The following EXOC4 variants were observed in gnomAD, a reference collection of about 807,000 sequenced individuals.
EXOC4 encodes the protein SEC8-like 1.
A neutral mutation model predicts 107.2 loss-of-function variants in EXOC4; 71 were observed. That is an observed-to-expected ratio of 0.66 (90% CI 0.55 to 0.81). EXOC4 has a LOEUF of 0.81. Among genes scored for constraint, EXOC4 ranks in the 30% least tolerant of loss-of-function variants. The pLI is 0.00. For missense variants in EXOC4, 1,108 were observed against 1,189.6 expected (o/e 0.93, Z 1.01); for synonymous variants, 456 against 441.2 (o/e 1.03, Z -0.42).
At chr7:133,888,336 T>C (rs1421357683) in intron 11 of EXOC4, among the ~76,000 whole-genome samples, 5 of 152,214 alleles carry the variant, frequency 3.3e-5, no homozygotes, top group African/African-American at 1.2e-4. Flanking sequence ...TGGAAAAGTA[T>C]TTTTTAAGCA....
At chr7:134,040,399 A>C (rs528771366) in intron 17 of EXOC4, among the ~76,000 whole-genome samples, 267 of 152,272 alleles carry the variant, frequency 1.8e-3, no homozygotes, top group African/African-American at 6.2e-3. Context: ...TGCAACCTCC[A>C]TGCCTTTATT....
the EXOC4 span, among the ~76,000 whole-genome samples, chr7:134,098,348 C>T: frequency 1.3e-5 from 2 of 152,174 alleles, no homozygotes; most frequent in Non-Finnish European, 2.9e-5. Context: ...ACAGAGAGTA[C>T]AGCTGTGTTT....
At chr7:133,744,064 G>A (rs899158489) in intron 10 of EXOC4, among the ~76,000 whole-genome samples, 4 of 151,682 alleles carry the variant, frequency 2.6e-5, no homozygotes, top group African/African-American at 4.8e-5. Flanking sequence ...ACCAAATTAT[G>A]TACCAACATC....
intron 10 of EXOC4, among the ~76,000 whole-genome samples, chr7:133,705,150 G>A (rs1410086848): frequency 6.6e-6 from 1 of 152,114 alleles, no homozygotes; most frequent in Non-Finnish European, 1.5e-5. Context: ...GATCACTTGA[G>A]GTCAGGAGTT....
chr7:133,895,643 G>A lies in EXOC4; in HGVS notation c.1779G>A (p.Leu593=). 6.2e-7 allele frequency: 1 copy of A among 1,614,078 alleles called. No homozygotes were observed. The highest frequency in any genetic ancestry group is 1.1e-5 in the South Asian group (1 of 91,074). The change falls in exon 12 of 18, where the codon CTG becomes CTA. Residue 593 remains leucine (L), a synonymous_variant. Transcript: ENST00000253861. ...AGACAGTTCAAGACCTCCTGAACCTGATGCATGACTTGAGTGCATATTCAG... is the reference window on the plus strand; with the variant it reads ...AGACAGTTCAAGACCTCCTGAACCTAATGCATGACTTGAGTGCATATTCAG... ...VEKTVQDLLN[L]MHDLSAYSDQ...
intron 10 of EXOC4, among the ~76,000 whole-genome samples, chr7:133,703,925 A>G (rs1472099973): frequency 3.9e-5 from 6 of 152,204 alleles, no homozygotes; most frequent in Admixed American, 3.3e-4. Flanking sequence ...CTCACTGTAT[A>G]AATCTTTAAA....
chr7:133,883,218 G>A (rs1799002666), intron 11 of EXOC4, among the ~76,000 whole-genome samples: 1 of 152,006 alleles, frequency 6.6e-6, no homozygotes, highest in Admixed American at 6.6e-5. Flanking sequence ...GTTGCATGTA[G>A]CAGTAGCTTG....
At chr7:133,920,788 A>G (rs538725631) in intron 13 of EXOC4, among the ~76,000 whole-genome samples, 4 of 151,868 alleles carry the variant, frequency 2.6e-5, no homozygotes, top group Admixed American at 2.0e-4. Context: ...TCTGATCTGT[A>G]TCATTTTTCT....
intron 14 of EXOC4, among the ~76,000 whole-genome samples, chr7:133,979,680 C>T (rs938523784): frequency 2.6e-5 from 4 of 151,658 alleles, no homozygotes; most frequent in African/African-American, 4.8e-5. Context: ...CCCAGCTACT[C>T]GGGAGGCTGA....
chr7:133,484,547 A>C (rs1799230873), intron 9 of EXOC4, among the ~76,000 whole-genome samples: 1 of 152,130 alleles, frequency 6.6e-6, no homozygotes, highest in Non-Finnish European at 1.5e-5. Flanking sequence ...TTAAAAAAAA[A>C]CAAAAACAAA....
At chr7:133,371,137 G>A (rs1247294123) in intron 6 of EXOC4, among the ~76,000 whole-genome samples, 1 of 152,102 alleles carries the variant, frequency 6.6e-6, no homozygotes, top group African/African-American at 2.4e-5. Flanking sequence ...GAGATGCCAG[G>A]TTTCATTTTT....
intron 17 of EXOC4, among the ~76,000 whole-genome samples, chr7:134,046,813 C>T (rs1341284982): frequency 1.3e-5 from 2 of 152,162 alleles, no homozygotes; most frequent in Non-Finnish European, 1.5e-5. Flanking sequence ...CACCAGCAAG[C>T]TCTCAGCACA....
At chr7:133,573,347 C>T (rs1278126933) in intron 9 of EXOC4, among the ~76,000 whole-genome samples, 2 of 152,146 alleles carry the variant, frequency 1.3e-5, no homozygotes, top group Non-Finnish European at 2.9e-5. Flanking sequence ...GGCACCAGTG[C>T]AGATAAACCA....
intron 2 of EXOC4, among the ~76,000 whole-genome samples, chr7:133,288,067 T>C (rs1409409313): frequency 6.6e-6 from 1 of 152,132 alleles, no homozygotes; most frequent in Non-Finnish European, 1.5e-5. Context: ...TAAAGAAATA[T>C]TAAACTCAAA....
At chr7:133,734,664 T>C (rs1795400528) in intron 10 of EXOC4, among the ~76,000 whole-genome samples, 1 of 152,148 alleles carries the variant, frequency 6.6e-6, no homozygotes, top group South Asian at 2.1e-4. Context: ...TTGACACTTT[T>C]TGAGCACTGA....
At chr7:133,268,461 A>G (rs1164659598) in intron 1 of EXOC4, among the ~76,000 whole-genome samples, 1 of 151,654 alleles carries the variant, frequency 6.6e-6, no homozygotes, top group Non-Finnish European at 1.5e-5. Flanking sequence ...CCTTTATTTG[A>G]TCTTTCTTTT....
At chr7:133,587,680 C>G (rs1801437705) in intron 9 of EXOC4, among the ~76,000 whole-genome samples, 1 of 152,116 alleles carries the variant, frequency 6.6e-6, no homozygotes, top group African/African-American at 2.4e-5. Flanking sequence ...AATTTGTCCT[C>G]CAGATTTGTT....
At chr7:133,309,828 T>C (rs1350119466) in intron 4 of EXOC4, among the ~76,000 whole-genome samples, 6 of 152,052 alleles carry the variant, frequency 3.9e-5, no homozygotes. Context: ...TAGTCCCAGC[T>C]ACTCAGGAGG....
chr7:133,461,127 G>T (rs1000714261), intron 7 of EXOC4, among the ~76,000 whole-genome samples: 3 of 152,134 alleles, frequency 2.0e-5, no homozygotes, highest in Non-Finnish European at 4.4e-5. Flanking sequence ...ATTTTAGATA[G>T]GGATAATATG....
Sources: gnomAD v4.1 joint callset for allele counts (sites outside exome capture counted in the v4.1 genomes callset) on GRCh38, gnomAD v4.1.1 for gene constraint, MANE v1.5 for transcripts, NCBI Gene and HGNC (gene_info 2026-07-23, HGNC 2026-07-21) for gene names.